Variants in SDCCAG8 observed in about 807,000 individuals in gnomAD.
The protein encoded by SDCCAG8 is serologically defined colon cancer antigen 8.
SDCCAG8 carries 74 observed loss-of-function variants against 101.8 expected under a neutral mutation model. The ratio of observed to expected loss-of-function variants is 0.73; its 90% confidence interval spans 0.60 to 0.88. The LOEUF is 0.88. Among genes scored for constraint, SDCCAG8 ranks in the 40% least tolerant of loss-of-function variants. SDCCAG8 has a pLI of 0.00. For missense variants in SDCCAG8, 787 were observed against 822.6 expected (o/e 0.96, Z 0.53); for synonymous variants, 281 against 292.9 (o/e 0.96, Z 0.41).
At chr1:243,498,966 G>GC (rs1668783262) in intron 17 of SDCCAG8, among the ~76,000 whole-genome samples, 1 of 152,250 alleles carries the variant, frequency 6.6e-6, no homozygotes, top group South Asian at 2.1e-4. Flanking sequence ...GGCGAGGACT[G>GC]TGGCCCAGTC....
At chr1:243,350,713 G>C (rs1279047760) in intron 12 of SDCCAG8, among the ~76,000 whole-genome samples, 1 of 152,186 alleles carries the variant, frequency 6.6e-6, no homozygotes, top group African/African-American at 2.4e-5. Flanking sequence ...TTTAACTACA[G>C]CAACTACAAA....
At position 243,412,643 on chromosome 1, in the gene SDCCAG8, G is replaced by A. The variant is rs546213820; in HGVS notation, c.1617-3059G>A. On this transcript the variant is annotated intron_variant, in intron 13 of 17. Coordinates refer to ENST00000366541, the MANE Select transcript of SDCCAG8 (RefSeq NM_006642.5). The stretch of plus-strand genomic sequence containing the variant: ...AGCAATCATTAGTATTAGTTTTAGT[G>A]TATTTTATGTGTGGACCAAGACGAT... Among the ~76,000 whole-genome samples the A allele has an allele frequency of 9.3e-5, 14 of 150,662 alleles. No individual in the cohort carries two copies. In the South Asian group the frequency reaches 2.3e-3, roughly 25 times the overall value.
intron 13 of SDCCAG8, among the ~76,000 whole-genome samples, chr1:243,389,854 T>C (rs2147940086): frequency 6.6e-6 from 1 of 152,230 alleles, no homozygotes; most frequent in East Asian, 1.9e-4. Context: ...CAAACTGAGA[T>C]AGAAACACTT....
intron 13 of SDCCAG8, among the ~76,000 whole-genome samples, chr1:243,390,107 A>C (rs374231661): frequency 2.0e-5 from 3 of 152,174 alleles, no homozygotes; most frequent in Non-Finnish European, 4.4e-5. Context: ...GGATATTATA[A>C]CATTGATGTA....
intron 13 of SDCCAG8, among the ~76,000 whole-genome samples, chr1:243,405,968 A>G (rs1316275827): frequency 6.6e-6 from 1 of 152,124 alleles, no homozygotes; most frequent in Non-Finnish European, 1.5e-5. Context: ...CTGTTATGCT[A>G]CAATTTGCTA....
At chr1:243,292,362 G>GCACTT (rs2070358273) in intron 5 of SDCCAG8, among the ~76,000 whole-genome samples, 1 of 152,194 alleles carries the variant, frequency 6.6e-6, no homozygotes, top group Non-Finnish European at 1.5e-5. Flanking sequence ...GAGATCCTAA[G>GCACTT]GGTCTTAGAA....
At chr1:243,357,389 GAAA>G (rs958539212) in intron 12 of SDCCAG8, among the ~76,000 whole-genome samples, 1 of 141,334 alleles carries the variant, frequency 7.1e-6, no homozygotes, top group African/African-American at 2.6e-5. Flanking sequence ...AAAAAACCAA[GAAA>G]AAAAAAAAGA....
At chr1:243,339,435 T>C (rs1390783803) in intron 10 of SDCCAG8, among the ~76,000 whole-genome samples, 2 of 152,192 alleles carry the variant, frequency 1.3e-5, no homozygotes, top group Non-Finnish European at 2.9e-5. Context: ...TAAATTGAAA[T>C]GAAATTGATA....
chr1:243,348,033 T>C (rs1011007992), intron 12 of SDCCAG8, among the ~76,000 whole-genome samples: 7 of 146,702 alleles, frequency 4.8e-5, no homozygotes, highest in South Asian at 2.2e-4. Flanking sequence ...TTTTTTTTTT[T>C]TTTCTTTTTT....
intron 6 of SDCCAG8, among the ~76,000 whole-genome samples, chr1:243,296,377 A>G (rs942818398): frequency 6.6e-6 from 1 of 151,978 alleles, no homozygotes; most frequent in Admixed American, 6.6e-5. Context: ...CTGACCCTAC[A>G]TTCACTTCCA....
At position 243,387,689 on chromosome 1, in the gene SDCCAG8, T is replaced by C. The variant is rs1324998033; in HGVS notation, c.1616+8826T>C. 2.0e-5 allele frequency among the ~76,000 whole-genome samples: 3 copies of C among 152,332 alleles called. No individual in the cohort carries two copies. The East Asian group carries it at 5.8e-4, about 29-fold the overall frequency. ...GGCTGCCTTTCCAGGGCTTTCAGTT[T>C]CCACATAGTAACTAGTACAGTTACT... On this transcript the variant is annotated intron_variant, in intron 13 of 17. Transcript: ENST00000366541.
chr1:243,410,530 A>G (rs1386756952), intron 13 of SDCCAG8, among the ~76,000 whole-genome samples: 1 of 152,176 alleles, frequency 6.6e-6, no homozygotes. Context: ...AAAGAGTTGT[A>G]TGTCTCACAT....
At chr1:243,266,785 A>AAAAAAAAAAAAG (rs1315574560) in intron 1 of SDCCAG8, among the ~76,000 whole-genome samples, 1 of 148,246 alleles carries the variant, frequency 6.7e-6, no homozygotes. Flanking sequence ...ACAAAAAAAA[A>AAAAAAAAAAAAG]AAAAGAAATT....
rs150160486 is a variant in SDCCAG8 at position 243,334,944 on chromosome 1, G to A, written c.1221+4252G>A. Among the ~76,000 whole-genome samples the A allele has an allele frequency of 4.1e-4, 63 of 152,244 alleles. No individual in the cohort carries two copies. The East Asian group carries it at 8.9e-3, about 21-fold the overall frequency. On this transcript the variant is annotated intron_variant, in intron 10 of 17. Coordinates refer to ENST00000366541, the MANE Select transcript of SDCCAG8 (RefSeq NM_006642.5). ...CGCCTCCCATAGCTGAATTGGGACC[G>A]TCTCCTGTGGGCTCCCATAGCTCAC...
At chr1:243,489,990 C>T (rs1028981664) in intron 17 of SDCCAG8, among the ~76,000 whole-genome samples, 5 of 152,168 alleles carry the variant, frequency 3.3e-5, no homozygotes, top group African/African-American at 4.8e-5. Context: ...TGAGGTGGTC[C>T]GTGGGCTGAC....
chr1:243,393,095 G>C (rs968827787), intron 13 of SDCCAG8, among the ~76,000 whole-genome samples: 2 of 152,196 alleles, frequency 1.3e-5, no homozygotes, highest in African/African-American at 4.8e-5. Context: ...GAAGCAAACT[G>C]AATCAGTGGG....
At chr1:243,488,722 G>C (rs1665629825) in intron 16 of SDCCAG8, among the ~76,000 whole-genome samples, 1 of 152,156 alleles carries the variant, frequency 6.6e-6, no homozygotes, top group Non-Finnish European at 1.5e-5. Flanking sequence ...TTTGACCTCT[G>C]CTTGGGAGTT....
At chr1:243,333,643 T>C (rs1369117200) in intron 10 of SDCCAG8, among the ~76,000 whole-genome samples, 2 of 152,240 alleles carry the variant, frequency 1.3e-5, no homozygotes, top group Admixed American at 1.3e-4. Context: ...CCAGTGAAAT[T>C]ACCATTGCTA....
intron 16 of SDCCAG8, among the ~76,000 whole-genome samples, chr1:243,456,205 A>G (rs2083739813): frequency 1.3e-5 from 2 of 152,194 alleles, no homozygotes; most frequent in African/African-American, 4.8e-5. Context: ...GGTTTACTGA[A>G]CAGGAAAGCC....
Sources: gnomAD v4.1 joint callset for allele counts (sites outside exome capture counted in the v4.1 genomes callset) on GRCh38, gnomAD v4.1.1 for gene constraint, MANE v1.5 for transcripts, NCBI Gene and HGNC (gene_info 2026-07-23, HGNC 2026-07-21) for gene names.